PCBP3: variants seen among roughly 807,000 people sequenced by gnomAD.
PCBP3 encodes the protein poly(rC)-binding protein 3.
A neutral mutation model predicts 52.7 loss-of-function variants in PCBP3; 25 were observed. That is an observed-to-expected ratio of 0.47 (90% confidence interval 0.35 to 0.66). PCBP3 has a LOEUF of 0.66. PCBP3 is among the 30% of genes least tolerant of loss of function. PCBP3 has a pLI of 0.01. For synonymous variants in PCBP3, 162 were observed against 183.0 expected, an observed-to-expected ratio of 0.89 and a Z score of 0.93; for missense variants, 391 against 490.3, an observed-to-expected ratio of 0.80 and a Z score of 1.91.
At chr21:45,814,798 GGTGAGTGGTGA>G (rs1164581512) in intron 4 of PCBP3, among the ~76,000 whole-genome samples, 255 of 134,012 alleles carry the variant, frequency 1.9e-3, no homozygotes, top group Non-Finnish European at 3.2e-3. Flanking sequence ...GTGAGTGAGT[GGTGAGTGGTGA>G]GTGAGTGGTG....
intron 4 of PCBP3, 32 bp from the exon 5 acceptor site, chr21:45,849,929 C>T (rs1365567120): frequency 4.3e-6 from 3 of 696,050 alleles, no homozygotes; most frequent in African/African-American, 3.6e-5. Context: ...TGCACTGGTG[C>T]GCTCACACAG....
chr21:45,676,177 T>C (rs1346389722), intron 2 of PCBP3, among the ~76,000 whole-genome samples: 2 of 152,224 alleles, frequency 1.3e-5, no homozygotes, highest in African/African-American at 4.8e-5. Flanking sequence ...ACTTGTATTT[T>C]TGGCATAAAA....
chr21:45,663,622 C>G (rs2080566518), intron 1 of PCBP3, among the ~76,000 whole-genome samples: 1 of 152,116 alleles, frequency 6.6e-6, no homozygotes, highest in Admixed American at 6.5e-5. Flanking sequence ...TTCCTAGCAT[C>G]ATTTATTGAA....
rs1404949040 is a variant in PCBP3 at position 45,735,597 on chromosome 21, A to T, written c.-162+168A>T. Among the ~76,000 whole-genome samples the T allele has an allele frequency of 6.6e-6, 1 of 152,206 alleles. No homozygotes were observed. Among genetic ancestry groups the T allele is most frequent in the Non-Finnish European group, 1.5e-5 (1 of 68,034 alleles). ...TGGGGAACCTGCCTCAGGTCACACT[A>T]CTGCCAAGAGCATGTAGTGTGAGTG... On this transcript the variant is annotated intron_variant, in intron 3 of 17. Transcript: ENST00000681687. This position sits in a 1 kb window ranked among gnomAD's most constrained non-coding sequence, Gnocchi z 4.0.
At chr21:45,661,408 T>G (rs2080382538) in intron 1 of PCBP3, among the ~76,000 whole-genome samples, 1 of 152,198 alleles carries the variant, frequency 6.6e-6, no homozygotes, top group South Asian at 2.1e-4. Context: ...TGAGAATATA[T>G]GGTATTTGAC....
intron 2 of PCBP3, among the ~76,000 whole-genome samples, chr21:45,713,437 C>T (rs1187156066): frequency 6.6e-6 from 1 of 152,210 alleles, no homozygotes; most frequent in African/African-American, 2.4e-5. Context: ...GCAGTCCTGC[C>T]CACACAGCCC....
chr21:45,824,079 A>G (rs1393078705), intron 4 of PCBP3, among the ~76,000 whole-genome samples: 3 of 152,182 alleles, frequency 2.0e-5, no homozygotes, highest in Non-Finnish European at 2.9e-5. Context: ...TCAATTTATA[A>G]TGTGTCTTTA....
chr21:45,935,362 C>T (rs2149555081), intron 16 of PCBP3, 57 bp downstream of exon 16: 1 of 1,283,596 alleles, frequency 7.8e-7, no homozygotes, highest in East Asian at 2.4e-5. Context: ...GCACAAGTGG[C>T]TGTCAGCTCT....
At chr21:45,884,117 G>A (rs2095464366) in intron 5 of PCBP3, among the ~76,000 whole-genome samples, 1 of 152,166 alleles carries the variant, frequency 6.6e-6, no homozygotes, top group East Asian at 1.9e-4. Flanking sequence ...TTTATATTTT[G>A]TAGAGACTAG....
chr21:45,880,273 C>T lies in PCBP3; in HGVS notation c.11-15935C>T, dbSNP rs943252921. On this transcript the variant is annotated intron_variant, in intron 5 of 17. Transcript: ENST00000681687. This position sits in a 1 kb window ranked among gnomAD's most constrained non-coding sequence, Gnocchi z 5.4. ...CCTGGAAAGCTCTACCCTGCTGGCC[C>T]TGGGCCTCGGAGGGGAGGGGAGCGC... is the stretch of plus-strand genomic sequence containing the variant. Among the ~76,000 whole-genome samples the T allele has an allele frequency of 4.6e-5, 7 of 152,204 alleles. 1 individual carries two copies. Among genetic ancestry groups the T allele is most frequent in the Non-Finnish European group, 8.8e-5 (6 of 68,040 alleles).
chr21:45,908,267 G>T (rs1018893495), intron 9 of PCBP3, among the ~76,000 whole-genome samples: 3 of 152,098 alleles, frequency 2.0e-5, no homozygotes, highest in African/African-American at 7.2e-5. Flanking sequence ...ATGAGAGCGG[G>T]TGGCAGGAAG....
At chr21:45,894,548 C>T (rs1263363136) in intron 5 of PCBP3, among the ~76,000 whole-genome samples, 2 of 152,226 alleles carry the variant, frequency 1.3e-5, no homozygotes, top group Admixed American at 1.3e-4. Flanking sequence ...ACTCTGCTCT[C>T]CTTTCTGAGA....
At chr21:45,865,821 C>T (rs565996221) in intron 5 of PCBP3, among the ~76,000 whole-genome samples, 2 of 152,328 alleles carry the variant, frequency 1.3e-5, no homozygotes, top group South Asian at 2.1e-4. Context: ...GCAGGGCAGG[C>T]GGCTGTCCTG....
At chr21:45,870,294 AT>A (rs1228871201) in intron 5 of PCBP3, among the ~76,000 whole-genome samples, 1 of 152,190 alleles carries the variant, frequency 6.6e-6, no homozygotes, top group Admixed American at 6.5e-5. Flanking sequence ...CATTTGTCAT[AT>A]TCTTAAAATA....
At chr21:45,679,243 C>T (rs2081670955) in intron 2 of PCBP3, among the ~76,000 whole-genome samples, 1 of 152,040 alleles carries the variant, frequency 6.6e-6, no homozygotes, top group Non-Finnish European at 1.5e-5. Context: ...GCCTCAGCCT[C>T]CTGAGTAGCT....
chr21:45,810,824 C>A (rs2092667440), intron 4 of PCBP3, among the ~76,000 whole-genome samples: 1 of 152,146 alleles, frequency 6.6e-6, no homozygotes, highest in South Asian at 2.1e-4. Flanking sequence ...TTGACAACAA[C>A]TTTCATTTTT....
intron 4 of PCBP3, among the ~76,000 whole-genome samples, chr21:45,844,890 T>C (rs923762378): frequency 1.3e-5 from 2 of 150,038 alleles, no homozygotes; most frequent in African/African-American, 2.4e-5. Flanking sequence ...TATATACGTA[T>C]ATAAAGTTTA....
chr21:45,902,702 T>C (rs2839041), intron 9 of PCBP3, among the ~76,000 whole-genome samples: 122,617 of 152,266 alleles, frequency 0.81, 50,168 homozygotes, highest in East Asian at 1. Context: ...CCTTGGAGAG[T>C]CTCATAGCCG....
intron 13 of PCBP3, chr21:45,919,174 G>A (rs1200522889): frequency 6.6e-6 from 1 of 152,326 alleles, no homozygotes; most frequent in Non-Finnish European, 1.5e-5. Context: ...GCTGTCAGCA[G>A]ATGGGGCAAA....
Sources: allele counts gnomAD v4.1 joint callset (sites outside exome capture counted in the v4.1 genomes callset), GRCh38; gene constraint gnomAD v4.1.1; non-coding constraint Gnocchi (gnomAD v3.1); transcripts MANE v1.5; gene names NCBI Gene and HGNC (gene_info 2026-07-23, HGNC 2026-07-21).